TAPBPL: variants seen among roughly 807,000 people sequenced by gnomAD.
The protein encoded by TAPBPL is TAP binding protein like, also known as tapasin-related protein.
TAPBPL carries 32 observed loss-of-function variants against 44.8 expected under a neutral mutation model. The ratio of observed to expected loss-of-function variants is 0.71; its 90% CI spans 0.54 to 0.96. TAPBPL has a LOEUF of 0.96. Among genes scored for constraint, TAPBPL ranks in the 40% least tolerant of loss-of-function variants. TAPBPL has a pLI of 0.00. For missense variants in TAPBPL, 520 were observed against 586.6 expected (o/e 0.89, Z 1.17); for synonymous variants, 230 against 240.7 (o/e 0.96, Z 0.41).
chr12:6,456,313 C>T (rs1308255086), intron 3 of TAPBPL, among the ~76,000 whole-genome samples: 1 of 151,530 alleles, frequency 6.6e-6, no homozygotes, highest in Non-Finnish European at 1.5e-5. Context: ...CTCATTTCCT[C>T]ATGACTGGAT....
chr12:6,458,844 T>C lies in TAPBPL; in HGVS notation c.1104T>C (p.Ser368=). 1 of 1,614,112 alleles carries C rather than the reference T, an allele frequency of 6.2e-7. No individual in the cohort carries two copies. The highest frequency in any genetic ancestry group is 1.1e-5 in the South Asian group (1 of 91,080). The change falls in exon 5 of 7, where the codon TCT becomes TCC. Residue 368 remains serine, a synonymous_variant. Coordinates refer to ENST00000266556, the MANE Select transcript of TAPBPL (RefSeq NM_018009.5). The stretch of plus-strand genomic sequence containing the variant: ...CAGGCACCTACAGCATCTCCTCCTC[T>C]CTCACCGCAGAACCTGGCTCTGCAG... ...SVAGTYSISS[S]LTAEPGSAGA...
At chr12:6,457,806 C>G in intron 4 of TAPBPL, 62 bp downstream of exon 4, 1 of 1,445,722 alleles carries the variant, frequency 6.9e-7, no homozygotes, top group Admixed American at 2.7e-5. Context: ...GGAGCGTTTC[C>G]AGATTGGGAC....
At chr12:6,471,560 G>A in the TAPBPL span, among the ~76,000 whole-genome samples, 1 of 152,144 alleles carries the variant, frequency 6.6e-6, no homozygotes, top group Non-Finnish European at 1.5e-5. This position sits in a 1 kb window ranked among gnomAD's most constrained non-coding sequence, Gnocchi z 4.0. Flanking sequence ...GGGCGCAGTG[G>A]CTCACACCTG....
chr12:6,458,204 C>T (rs1366576385), intron 4 of TAPBPL, among the ~76,000 whole-genome samples: 2 of 152,200 alleles, frequency 1.3e-5, no homozygotes, highest in South Asian at 2.1e-4. Flanking sequence ...GGTGAAACTC[C>T]GTCTCTACTA....
rs749018182 is a variant in TAPBPL, at chr12:6,452,187, G to A, written c.-62G>A. The A allele has an allele frequency of 1.2e-5, 18 of 1,545,154 alleles. No individual in the cohort carries two copies. The highest frequency in any genetic ancestry group is 1.4e-5 in the African/African-American group (1 of 73,292). ...GAGCCCCCTTCTTCCGCCGGGCCTC[G>A]CAAGCAGCGTAGGACTGTGGAGAAG... On this transcript the variant is annotated 5_prime_UTR_variant, in exon 1 of 7. Coordinates refer to ENST00000266556, the MANE Select transcript of TAPBPL (RefSeq NM_018009.5).
chr12:6,464,341 G>C, downstream of TAPBPL: 1 of 1,550,602 alleles, frequency 6.4e-7, no homozygotes. Flanking sequence ...GAAAAAGGAG[G>C]AATGGGTGAT....
At chr12:6,462,511 G>A, downstream of TAPBPL, 4 of 500,840 alleles carry the variant, frequency 8.0e-6, no homozygotes, top group Non-Finnish European at 1.4e-5. Context: ...CACATGGGTG[G>A]TGGGAGGAAA....
downstream of TAPBPL, among the ~76,000 whole-genome samples, chr12:6,469,796 T>C (rs1205758822): frequency 6.6e-6 from 1 of 152,246 alleles, no homozygotes; most frequent in African/African-American, 2.4e-5. Context: ...TGTTGAAGAC[T>C]GCTGGAGACT....
chr12:6,465,931 C>T, downstream of TAPBPL: 6 of 1,614,260 alleles, frequency 3.7e-6, no homozygotes, highest in Non-Finnish European at 4.2e-6. Context: ...TCAGCTCGGT[C>T]ATCCAGCTCT....
At chr12:6,470,440 G>A, downstream of TAPBPL, 1 of 1,585,318 alleles carries the variant, frequency 6.3e-7, no homozygotes, top group Non-Finnish European at 8.6e-7. Context: ...TGCAGCTGCT[G>A]CATTGCGCCA....
At chr12:6,464,691 T>C, downstream of TAPBPL, 2 of 1,496,518 alleles carry the variant, frequency 1.3e-6, no homozygotes, top group Non-Finnish European at 1.8e-6. Flanking sequence ...CTGCAATGCG[T>C]TGCAGGGGGA....
At position 6,457,542 on chromosome 12, in the gene TAPBPL, G is replaced by T. The variant is rs763404003; in HGVS notation, c.702G>T (p.Arg234Ser). The change falls in exon 4 of 7, where the codon AGG (arginine) becomes AGT (serine). Residue 234 changes from arginine to serine, a missense_variant. By Grantham distance (110) the Arg-to-Ser change is moderately radical. Transcript: ENST00000266556. ...SVEWRLQHKG[R>S]GQLVYSWTAG... ...AGTGGCGACTGCAGCACAAGGGCAG[G>T]GGTCAGTTGGTGTACAGCTGGACCG... 1 of 1,614,234 alleles carries T rather than the reference G, an allele frequency of 6.2e-7. No homozygotes were observed. The highest frequency in any genetic ancestry group is 1.1e-5 in the South Asian group (1 of 91,088).
chr12:6,452,947 T>C (rs960627948), intron 1 of TAPBPL, 120 bp from the exon 2 acceptor site: 2 of 1,055,682 alleles, frequency 1.9e-6, no homozygotes, highest in Non-Finnish European at 2.7e-6. Flanking sequence ...CAGAAACAGC[T>C]AGGATCTTGG....
At position 6,462,096 on chromosome 12, in the gene TAPBPL, C is replaced by CA; in HGVS notation, c.1355dup (p.Ser453GlufsTer6). 1 of 1,613,860 alleles carries CA rather than the reference C, an allele frequency of 6.2e-7. No homozygotes were observed. The highest frequency in any genetic ancestry group is 8.5e-7 in the Non-Finnish European group (1 of 1,179,728). ...GGAGACCACTTCCTGTGCTGACACA[C>CA]AGAGCTCCCATCTCCATGAAGACCG... On this transcript the variant is annotated frameshift_variant, in exon 7 of 7. Transcript: ENST00000266556. LOFTEE classifies it low-confidence loss of function (END_TRUNC).
rs542812394 is a variant in TAPBPL at position 6,456,364 on chromosome 12, CT to C, written c.566-1026del. On this transcript the variant is annotated intron_variant, in intron 3 of 6. Transcript: ENST00000266556. The stretch of plus-strand genomic sequence containing the variant: ...TTGGCACAGATACTACTATCACATG[CT>C]TTTTTTTTTTTTTTTCGATATGGAG... Among the ~76,000 whole-genome samples, 387 of 134,296 alleles carry C rather than the reference CT, an allele frequency of 2.9e-3. 2 individuals carry two copies. The highest frequency in any genetic ancestry group is 7.7e-3 in the Middle Eastern group (2 of 260). 88.1% of individuals were successfully genotyped at this position (134,296 alleles called of 152,430 possible).
At position 6,458,649 on chromosome 12, in the gene TAPBPL, C is replaced by T; in HGVS notation, c.909C>T (p.Ser303=). ...QQIIQLNIQA[S]PKVRLSLANE... is the part of the protein sequence containing the mutation. ...TATTCCTCATTCTTTCTCCAGCTTC[C>T]CCTAAAGTACGACTGAGCTTGGCAA... The change falls in exon 5 of 7, where the codon TCC becomes TCT. Residue 303 remains serine, a synonymous_variant. Coordinates refer to ENST00000266556, the MANE Select transcript of TAPBPL (RefSeq NM_018009.5). 6.2e-7 allele frequency: 1 copy of T among 1,612,834 alleles called. No homozygotes were observed. Among genetic ancestry groups the T allele is most frequent in the Non-Finnish European group, 8.5e-7 (1 of 1,178,920 alleles).
chr12:6,465,440 A>AG (rs1266542402), downstream of TAPBPL: 608 of 136,522 alleles, frequency 4.5e-3, 6 homozygotes, highest in East Asian at 0.022. Flanking sequence ...ATGTATATAT[A>AG]TGTATATATA....
At chr12:6,466,678 GCAA>G (rs1028735326), downstream of TAPBPL, 19 of 223,964 alleles carry the variant, frequency 8.5e-5, no homozygotes, top group Admixed American at 1.1e-4. Context: ...GAAAGACTCT[GCAA>G]CAACATTTGG....
downstream of TAPBPL, chr12:6,465,126 A>G: frequency 1.3e-6 from 1 of 770,322 alleles, no homozygotes; most frequent in African/African-American, 1.8e-5. Flanking sequence ...TCATAACCAC[A>G]GTATGTCTGT....
Sources: gnomAD v4.1 joint callset for allele counts (sites outside exome capture counted in the v4.1 genomes callset) on GRCh38, gnomAD v4.1.1 for gene constraint, Gnocchi (gnomAD v3.1) non-coding constraint, MANE v1.5 for transcripts, NCBI Gene and HGNC (gene_info 2026-07-23, HGNC 2026-07-21) for gene names.